SPG11: variants seen among roughly 807,000 people sequenced by gnomAD.
The protein encoded by SPG11 is spatacsin.
In SPG11, 222 loss-of-function variants were observed where a neutral mutation model predicts 274.0. The observed-to-expected ratio is 0.81, with a 90% CI of 0.73 to 0.91. The LOEUF (loss-of-function observed/expected upper bound fraction) is 0.91, where lower values mean the gene tolerates loss of function less well. SPG11 is among the 40% of genes least tolerant of loss of function. The pLI is 0.00. For missense variants in SPG11, 3,114 were observed against 2,872.7 expected (o/e 1.08, Z -1.92); for synonymous variants, 1,144 against 1,039.7 (o/e 1.10, Z -1.93).
At chr15:44,577,502 C>CAA (rs755097423) in intron 30 of SPG11, among the ~76,000 whole-genome samples, 3,060 of 91,384 alleles carry the variant, frequency 0.033, 57 homozygotes, top group Middle Eastern at 0.068. Context: ...GGCCCTATCT[C>CAA]AAAAAAAAAA....
intron 17 of SPG11, among the ~76,000 whole-genome samples, chr15:44,613,194 G>A (rs140273037): frequency 2.0e-5 from 3 of 152,308 alleles, no homozygotes; most frequent in African/African-American, 7.2e-5. Flanking sequence ...ATGCTAAGGG[G>A]AAGGGGACAA....
At chr15:44,590,107 T>G (rs981854294) in intron 27 of SPG11, among the ~76,000 whole-genome samples, 1 of 152,138 alleles carries the variant, frequency 6.6e-6, no homozygotes, top group East Asian at 1.9e-4. Context: ...GTGCCTGGCC[T>G]AGCAACTTCT....
At chr15:44,633,729 T>C (rs1262653846) in intron 7 of SPG11, 92 bp from the exon 8 acceptor site, 8 of 1,391,394 alleles carry the variant, frequency 5.7e-6, no homozygotes, top group East Asian at 2.5e-5. Context: ...TAGAATTTAA[T>C]GTGGTGAGAC....
intron 11 of SPG11, 59 bp from the exon 12 acceptor site, chr15:44,622,858 A>C: frequency 8.1e-7 from 1 of 1,232,404 alleles, no homozygotes; most frequent in Admixed American, 1.7e-5. Context: ...TATTTTGAAC[A>C]TAAATATGTG....
intron 1 of SPG11, among the ~76,000 whole-genome samples, chr15:44,661,617 TAAA>T (rs917437879): frequency 3.1e-4 from 47 of 151,760 alleles, no homozygotes; most frequent in African/African-American, 1.1e-3. Context: ...CCTTATTAGG[TAAA>T]AAAAAGACAT....
intron 17 of SPG11, among the ~76,000 whole-genome samples, chr15:44,612,178 T>TAA (rs985106323): frequency 6.6e-5 from 10 of 152,178 alleles, no homozygotes; most frequent in African/African-American, 2.4e-4. Context: ...AAGCAGTATA[T>TAA]AAAAACATAG....
chr15:44,635,103 C>T (rs1273944778), intron 7 of SPG11, among the ~76,000 whole-genome samples: 1 of 151,842 alleles, frequency 6.6e-6, no homozygotes. Context: ...GTACTCTCAG[C>T]TACTCAAAAG....
chr15:44,570,813 G>T lies in SPG11; in HGVS notation c.6344-155C>A, dbSNP rs2082407796. 2.6e-5 allele frequency among the ~76,000 whole-genome samples: 4 copies of T among 152,226 alleles called. No individual in the cohort carries two copies. In the South Asian group the frequency reaches 8.3e-4, roughly 32 times the overall value. ...TCCGAAGTCCCTGAACTTAGCAGCTGTAGCTTTGAGACAGCCCCTTGATGA... is the reference window on the plus strand; with the variant it reads ...TCCGAAGTCCCTGAACTTAGCAGCTTTAGCTTTGAGACAGCCCCTTGATGA... On this transcript the variant is annotated intron_variant, in intron 33 of 39. Coordinates refer to ENST00000261866, the MANE Select transcript of SPG11 (RefSeq NM_025137.4).
At position 44,563,157 on chromosome 15, in the gene SPG11, C is replaced by G; in HGVS notation, c.7296G>C (p.Gln2432His). The stretch of plus-strand genomic sequence containing the variant: ...GCATGTCCTTTAGACAGCAACCTGT[C>G]TGAGGGTCCTTCAGAAGCACATTTA... Reference protein sequence around the residue: ...EIVNVLLKDPQTGCCLKDMLA... With the variant: ...EIVNVLLKDPHTGCCLKDMLA... Residue 2432 changes from glutamine to histidine, a missense_variant, in exon 40 of 40, where the codon CAG becomes CAC. Gln to His is a conservative substitution (Grantham distance 24). Transcript: ENST00000261866. The G allele has an allele frequency of 6.2e-7, 1 of 1,614,168 alleles. No homozygotes were observed. Among genetic ancestry groups the G allele is most frequent in the Non-Finnish European group, 8.5e-7 (1 of 1,180,030 alleles).
At chr15:44,628,497 G>C (rs556966564) in intron 10 of SPG11, among the ~76,000 whole-genome samples, 172 bp downstream of exon 10, 37 of 152,336 alleles carry the variant, frequency 2.4e-4, no homozygotes, top group African/African-American at 8.2e-4. Flanking sequence ...AATGGAGCTT[G>C]TAGACATAAA....
Position 44,573,393 on chromosome 15 carries a change from G to T in SPG11, c.6205+154C>A, listed in dbSNP as rs560690216. 7 of 754,070 alleles carry T rather than the reference G, an allele frequency of 9.3e-6. No individual in the cohort carries two copies. The African/African-American group carries it at 1.0e-4, about 11-fold the overall frequency. 46.7% of individuals were successfully genotyped at this position (754,070 alleles called of 1,614,324 possible). On this transcript the variant is annotated intron_variant, in intron 32 of 39. Coordinates refer to ENST00000261866, the MANE Select transcript of SPG11 (RefSeq NM_025137.4). ...ATGTATTTTGTAAAAAATAAAGCATGTATTTTGTTTTATTTAAACAAAATA... is the reference window on the plus strand; with the variant it reads ...ATGTATTTTGTAAAAAATAAAGCATTTATTTTGTTTTATTTAAACAAAATA...
At position 44,613,445 on chromosome 15, in the gene SPG11, C is replaced by T. The variant is rs1351627970; in HGVS notation, c.3130G>A (p.Ala1044Thr). 2 of 1,612,912 alleles carry T rather than the reference C, an allele frequency of 1.2e-6. No individual in the cohort carries two copies. Among genetic ancestry groups the T allele is most frequent in the East Asian group, 2.2e-5 (1 of 44,840 alleles). Reference sequence around the variant, plus strand: ...ATACCCATACCTGTTAAGTTACTGGCAACTTGTCGACACTGAACTAAAAAT... The same window carrying T: ...ATACCCATACCTGTTAAGTTACTGGTAACTTGTCGACACTGAACTAAAAAT... ...FEFLVQCRQVASNLTDPKLIF... is the reference protein window; with the variant it reads ...FEFLVQCRQVTSNLTDPKLIF... The change falls in exon 17 of 40, where the codon GCC becomes ACC. Residue 1044 changes from alanine (A) to threonine (T), a missense_variant. Ala to Thr is a moderately conservative substitution (Grantham distance 58). Transcript: ENST00000261866.
chr15:44,572,579 A>T, intron 33 of SPG11, 104 bp downstream of exon 33: 1 of 1,187,638 alleles, frequency 8.4e-7, no homozygotes, highest in South Asian at 1.2e-5. Flanking sequence ...AGGGCTAGGC[A>T]TCCAGAGCAG....
At chr15:44,565,745 C>CA in intron 38 of SPG11, 109 bp downstream of exon 38, 1 of 1,359,852 alleles carries the variant, frequency 7.4e-7, no homozygotes, top group East Asian at 2.4e-5. Flanking sequence ...CAGAACTGTA[C>CA]TGTCCTGGTT....
chr15:44,640,594 A>C (rs2084410736), intron 7 of SPG11, among the ~76,000 whole-genome samples: 1 of 152,216 alleles, frequency 6.6e-6, no homozygotes, highest in Non-Finnish European at 1.5e-5. Flanking sequence ...AAAATCCTCG[A>C]TAATAAAGGC....
At position 44,595,407 on chromosome 15, in the gene SPG11, T is replaced by G; in HGVS notation, c.4487A>C (p.Asp1496Ala). Reference sequence around the variant, plus strand: ...TCCCATTGCTTCAGTTGCAACATTGTCCTCCACAGAAGTGATGATCCAAAC... The same window carrying G: ...TCCCATTGCTTCAGTTGCAACATTGGCCTCCACAGAAGTGATGATCCAAAC... ...LCVWIITSVE[D>A]NVATEAMGHI... is the part of the protein sequence containing the mutation. Residue 1496 changes from aspartate to alanine, a missense_variant, in exon 26 of 40, where the codon GAC (aspartate) becomes GCC (alanine). Asp to Ala is a moderately radical substitution (Grantham distance 126). Coordinates refer to ENST00000261866, the MANE Select transcript of SPG11 (RefSeq NM_025137.4). 1 of 1,614,184 alleles carries G rather than the reference T, an allele frequency of 6.2e-7. No individual in the cohort carries two copies. The highest frequency in any genetic ancestry group is 8.5e-7 in the Non-Finnish European group (1 of 1,180,034).
intron 32 of SPG11, 68 bp from the exon 33 acceptor site, chr15:44,572,888 G>C: frequency 1.0e-5 from 16 of 1,542,760 alleles, no homozygotes; most frequent in Non-Finnish European, 1.4e-5. Context: ...CCAGGCTTAG[G>C]CACCAGGAGG....
chr15:44,574,163 C>T (rs2082485740), intron 31 of SPG11, among the ~76,000 whole-genome samples: 1 of 152,162 alleles, frequency 6.6e-6, no homozygotes, highest in South Asian at 2.1e-4. Context: ...GCCACCACAC[C>T]CAGCTAATTT....
At chr15:44,566,134 G>A (rs2082303785) in intron 37 of SPG11, 83 bp downstream of exon 37, 1 of 1,590,964 alleles carries the variant, frequency 6.3e-7, no homozygotes, top group Admixed American at 1.7e-5. Context: ...CGCTTCACCT[G>A]GAAAGAGCCC....
Sources: gnomAD v4.1 joint callset for allele counts (sites outside exome capture counted in the v4.1 genomes callset) on GRCh38, gnomAD v4.1.1 for gene constraint, MANE v1.5 for transcripts, NCBI Gene and HGNC (gene_info 2026-07-23, HGNC 2026-07-21) for gene names.